The following HSPA14 variants were observed in gnomAD, a reference collection of about 807,000 sequenced individuals.
HSPA14 encodes the protein heat shock 70 kDa protein 14.
In HSPA14, 37 loss-of-function variants were observed where a neutral mutation model predicts 65.5. The observed-to-expected ratio is 0.56, with a 90% CI of 0.43 to 0.74. The LOEUF (loss-of-function observed/expected upper bound fraction) is 0.74, where lower values mean the gene tolerates loss of function less well. Ranked by LOEUF, HSPA14 falls within the 30% of genes least tolerant of loss-of-function variation. HSPA14 has a pLI of 0.00. For synonymous variants in HSPA14, 203 were observed against 214.2 expected (o/e 0.95, Z 0.46); for missense variants, 564 against 607.6 (o/e 0.93, Z 0.75).
chr10:14,845,112 C>G, intron 3 of HSPA14: 2 of 985,416 alleles, frequency 2.0e-6, no homozygotes, highest in Non-Finnish European at 2.4e-6. Context: ...AACAGATGAG[C>G]CTCCTCCACA....
At chr10:14,869,836 C>A (rs182082715) in intron 12 of HSPA14, among the ~76,000 whole-genome samples, 43 of 152,310 alleles carry the variant, frequency 2.8e-4, no homozygotes, top group African/African-American at 7.7e-4. Flanking sequence ...TTCTTCACAT[C>A]CTCTCTGAGA....
chr10:14,865,098 C>T (rs1426773060), intron 10 of HSPA14, among the ~76,000 whole-genome samples: 2 of 152,076 alleles, frequency 1.3e-5, no homozygotes, highest in African/African-American at 2.4e-5. Context: ...TTTCATGTGT[C>T]TTTTGGCTGC....
intron 10 of HSPA14, among the ~76,000 whole-genome samples, chr10:14,860,603 T>C (rs1832743226): frequency 6.6e-6 from 1 of 150,770 alleles, no homozygotes; most frequent in Admixed American, 6.6e-5. Context: ...CAGGTAAGAG[T>C]GTGAGTGGTG....
Position 14,867,087 on chromosome 10 carries a change from T to C in HSPA14, c.998T>C (p.Val333Ala). Residue 333 changes from valine (V) to alanine (A), a missense_variant, in exon 11 of 14, where the codon GTC (valine) becomes GCC (alanine). Val to Ala is a moderately conservative substitution (Grantham distance 64, BLOSUM62 0). Coordinates refer to ENST00000378372, the MANE Select transcript of HSPA14 (RefSeq NM_016299.4). ...AAAATTATTTTTATTCTCTAGGTTGTCCTTTGTGGAGGGTCTTCTCGAATC... is the reference window on the plus strand; with the variant it reads ...AAAATTATTTTTATTCTCTAGGTTGCCCTTTGTGGAGGGTCTTCTCGAATC... ...GFTADDINKV[V>A]LCGGSSRIPK... is the part of the protein sequence containing the mutation. 1 of 1,609,654 alleles carries C rather than the reference T, an allele frequency of 6.2e-7. No individual in the cohort carries two copies. Among genetic ancestry groups the C allele is most frequent in the Non-Finnish European group, 8.5e-7 (1 of 1,176,098 alleles).
At chr10:14,848,298 T>C (rs980652268) in intron 3 of HSPA14, among the ~76,000 whole-genome samples, 2 of 152,088 alleles carry the variant, frequency 1.3e-5, no homozygotes, top group Non-Finnish European at 2.9e-5. Context: ...GAAACTATGA[T>C]ACAAAATCAT....
At chr10:14,846,061 G>A (rs956012766) in intron 3 of HSPA14, 1 of 975,136 alleles carries the variant, frequency 1.0e-6, no homozygotes, top group African/African-American at 1.8e-5. Context: ...GTAGCATTCT[G>A]TGGTATTAAT....
intron 3 of HSPA14, among the ~76,000 whole-genome samples, chr10:14,841,649 A>G (rs1042359710): frequency 8.5e-5 from 13 of 152,166 alleles, no homozygotes; most frequent in African/African-American, 3.1e-4. Context: ...GGTTAGAGTA[A>G]TTATGTGGCT....
In HSPA14 at chr10:14,842,201, C is replaced by T. The variant is rs1019427809; in HGVS notation, c.221+2044C>T. 6.5e-7 allele frequency: 1 copy of T among 1,535,368 alleles called. No homozygotes were observed. Among genetic ancestry groups the T allele is most frequent in the Non-Finnish European group, 8.7e-7 (1 of 1,146,888 alleles). ...CTGAGAGGGAAGATCCTGGAGATAT[C>T]CTGAGAGCACACAGAGCTTCCCCAC... On this transcript the variant is annotated intron_variant, in intron 3 of 13. Coordinates refer to ENST00000378372, the MANE Select transcript of HSPA14 (RefSeq NM_016299.4). This position sits in a 1 kb window ranked among gnomAD's most constrained non-coding sequence, Gnocchi z 5.2.
At position 14,842,564 on chromosome 10, in the gene HSPA14, G is replaced by T. The variant is rs1211638124; in HGVS notation, c.221+2407G>T. ...TGAGCCACCACACTGTCCATTTTAT[G>T]ATACGTTGGATCAGCTTCTCCGAAA... On this transcript the variant is annotated intron_variant, in intron 3 of 13. Coordinates refer to ENST00000378372, the MANE Select transcript of HSPA14 (RefSeq NM_016299.4). This position sits in a 1 kb window ranked among gnomAD's most constrained non-coding sequence, Gnocchi z 5.2. 2.6e-6 allele frequency: 4 copies of T among 1,536,134 alleles called. No homozygotes were observed. The highest frequency in any genetic ancestry group is 3.5e-6 in the Non-Finnish European group (4 of 1,146,920).
Position 14,842,246 on chromosome 10 carries a change from G to A in HSPA14, c.221+2089G>A. 1.3e-6 allele frequency: 2 copies of A among 1,535,536 alleles called. No homozygotes were observed. ...CCCCACACCTTCAGACTTGCACCTT[G>A]CTGTCCAGAAGCTGCCTAGCCCTCC... On this transcript the variant is annotated intron_variant, in intron 3 of 13. Transcript: ENST00000378372. This position sits in a 1 kb window ranked among gnomAD's most constrained non-coding sequence, Gnocchi z 5.2.
Position 14,842,679 on chromosome 10 carries a change from G to T in HSPA14, c.221+2522G>T. 9.1e-6 allele frequency: 14 copies of T among 1,536,314 alleles called. No homozygotes were observed. Among genetic ancestry groups the T allele is most frequent in the Non-Finnish European group, 1.2e-5 (14 of 1,146,954 alleles). ...AACTTAGTGGCCTCTGACGCCCCAG[G>T]GGAAGAGGGAACCGGCATTCTAAAA... On this transcript the variant is annotated intron_variant, in intron 3 of 13. Coordinates refer to ENST00000378372, the MANE Select transcript of HSPA14 (RefSeq NM_016299.4). This position sits in a 1 kb window ranked among gnomAD's most constrained non-coding sequence, Gnocchi z 5.2.
At chr10:14,840,225 G>C (rs1833956005) in intron 3 of HSPA14, 68 bp downstream of exon 3, 1 of 794,448 alleles carries the variant, frequency 1.3e-6, no homozygotes, top group Non-Finnish European at 1.8e-6. Flanking sequence ...AGCATAATGT[G>C]AAAAGAAATT....
Position 14,838,604 on chromosome 10 carries a change from G to A in HSPA14, c.57+145G>A, listed in dbSNP as rs1016949361. On this transcript the variant is annotated intron_variant, in intron 1 of 13. Coordinates refer to ENST00000378372, the MANE Select transcript of HSPA14 (RefSeq NM_016299.4). ...GCCGCGAGGACACTCCGGAGCGAAG[G>A]GCCGGGCAGGCCCGGCCTCGCGCCT... is the stretch of plus-strand genomic sequence containing the variant. 212 of 743,902 alleles carry A rather than the reference G, an allele frequency of 2.8e-4. 1 individual carries two copies. The highest frequency in any genetic ancestry group is 1.2e-3 in the Admixed American group (35 of 29,656). 46.1% of individuals were successfully genotyped at this position (743,902 alleles called of 1,614,324 possible). A position where few individuals can be genotyped will look rare whatever the true frequency, so the allele number is the denominator to read the frequency against.
At chr10:14,855,367 G>T (rs539670884) in intron 9 of HSPA14, among the ~76,000 whole-genome samples, 1 of 152,118 alleles carries the variant, frequency 6.6e-6, no homozygotes, top group African/African-American at 2.4e-5. Flanking sequence ...CAGGGAGTAC[G>T]GAGGGGCTAA....
rs570039143 is a variant in HSPA14 at position 14,851,253 on chromosome 10, C to A, written c.502C>A (p.Arg168=). 6.2e-7 allele frequency: 1 copy of A among 1,610,602 alleles called. No individual in the cohort carries two copies. Among genetic ancestry groups the A allele is most frequent in the South Asian group, 1.1e-5 (1 of 90,742 alleles). The change falls in exon 7 of 14, where the codon CGA becomes AGA. Residue 168 remains arginine (R), a synonymous_variant. Transcript: ENST00000378372. ...TAGAGCTGCTGGATTTAATGTTTTG[C>A]GATTAATTCACGAACCGTCTGCAGC... ...AARAAGFNVL[R]LIHEPSAALL... is the part of the protein sequence containing the mutation.
chr10:14,866,428 G>A (rs747325435), intron 10 of HSPA14, among the ~76,000 whole-genome samples: 1 of 152,082 alleles, frequency 6.6e-6, no homozygotes, highest in Non-Finnish European at 1.5e-5. Context: ...CCCTTCTTAG[G>A]TTATATATTA....
In HSPA14 at chr10:14,861,119, T is replaced by G. The variant is rs115907280; in HGVS notation, c.993+5176T>G. The stretch of plus-strand genomic sequence containing the variant: ...TGTCAGAGCAATTGTAGGGGAGCTG[T>G]GGAGATAAATGCCTTACTGGAGCAG... On this transcript the variant is annotated intron_variant, in intron 10 of 13. Transcript: ENST00000378372. Among the ~76,000 whole-genome samples the G allele has an allele frequency of 8.2e-3, 1,253 of 152,148 alleles. 22 individuals carry two copies. Among genetic ancestry groups the G allele is most frequent in the African/African-American group, 0.028 (1,178 of 41,500 alleles).
rs762712613 is a variant in HSPA14, at chr10:14,843,435, C to A, written c.221+3278C>A. 19 of 1,550,838 alleles carry A rather than the reference C, an allele frequency of 1.2e-5. 1 individual carries two copies. The East Asian group carries it at 4.4e-4, about 36-fold the overall frequency. ...GCCTTTTCAGAGGTGCAGTTGCTCC[C>A]TGTCAGAGCAGCCCCATGGCCAGAC... On this transcript the variant is annotated intron_variant, in intron 3 of 13. Transcript: ENST00000378372.
intron 1 of HSPA14, 42 bp downstream of exon 1, chr10:14,838,501 C>A (rs779811261): frequency 3.9e-6 from 6 of 1,548,760 alleles, no homozygotes; most frequent in East Asian, 2.3e-5. Flanking sequence ...ATGACGGCCA[C>A]CCGGTTTTCT....
Sources: allele counts gnomAD v4.1 joint callset (sites outside exome capture counted in the v4.1 genomes callset), GRCh38; gene constraint gnomAD v4.1.1; non-coding constraint Gnocchi (gnomAD v3.1); transcripts MANE v1.5; gene names NCBI Gene and HGNC (gene_info 2026-07-23, HGNC 2026-07-21).